The following IRAK1BP1 variants were observed in gnomAD, a reference collection of about 807,000 sequenced individuals.
IRAK1BP1 encodes the protein interleukin-1 receptor-associated kinase 1-binding protein 1.
Under a neutral mutation model 28.0 loss-of-function variants are expected in IRAK1BP1, and 24 were observed. The observed-to-expected ratio is 0.86, with a 90% CI of 0.62 to 1.20. The LOEUF is 1.20. Ranked by LOEUF, IRAK1BP1 falls within the 50% of genes most tolerant of loss-of-function variation. The pLI is 0.00. For synonymous variants in IRAK1BP1, 131 were observed against 116.3 expected (o/e 1.13, Z -0.81); for missense variants, 336 against 316.7 (o/e 1.06, Z -0.46).
chr6:78,953,373 C>T, the IRAK1BP1 span, among the ~76,000 whole-genome samples: 1 of 152,146 alleles, frequency 6.6e-6, no homozygotes, highest in African/African-American at 2.4e-5. Flanking sequence ...AAAACATTGT[C>T]TTATTTCTAT....
chr6:78,888,215 C>CTTA (rs1771498818), intron 2 of IRAK1BP1, among the ~76,000 whole-genome samples: 1 of 152,106 alleles, frequency 6.6e-6, no homozygotes, highest in Non-Finnish European at 1.5e-5. Flanking sequence ...AATGGGATTT[C>CTTA]TTACTCAATG....
At position 78,867,860 on chromosome 6, in the gene IRAK1BP1, T is replaced by A. The variant is rs1233867118; in HGVS notation, c.284T>A (p.Ile95Asn). ...AGCGTTTGTCGCCGTCTAGATTACA[T>A]CACGCAGAGCCTCCAGCAGCAGGGC... ...KKSVCRRLDY[I>N]TQSLQQQGVQ... The change falls in exon 1 of 4, where the codon ATC (isoleucine) becomes AAC (asparagine). Residue 95 changes from isoleucine to asparagine, a missense_variant. Physicochemically the swap from Ile to Asn is moderately radical, Grantham distance 149. Transcript: ENST00000369940. 6.2e-7 allele frequency: 1 copy of A among 1,605,326 alleles called. No individual in the cohort carries two copies. The highest frequency in any genetic ancestry group is 1.3e-5 in the African/African-American group (1 of 74,706).
At chr6:78,911,962 A>G (rs1479473565) in intron 4 of IRAK1BP1, among the ~76,000 whole-genome samples, 1 of 152,172 alleles carries the variant, frequency 6.6e-6, no homozygotes, top group Non-Finnish European at 1.5e-5. Context: ...CTAAGTGTGA[A>G]ATATATGGAA....
At chr6:78,921,668 A>G (rs916526777) in intron 4 of IRAK1BP1, among the ~76,000 whole-genome samples, 7 of 152,208 alleles carry the variant, frequency 4.6e-5, no homozygotes, top group Non-Finnish European at 1.0e-4. Context: ...ACTGGGAGGC[A>G]TCCCCCAGTA....
chr6:78,888,712 GC>G (rs1387602927), intron 2 of IRAK1BP1, among the ~76,000 whole-genome samples: 12 of 151,900 alleles, frequency 7.9e-5, no homozygotes. Flanking sequence ...CACCATGTTG[GC>G]CAGGCTGGTC....
At chr6:78,977,728 A>T in the IRAK1BP1 span, among the ~76,000 whole-genome samples, 1 of 152,190 alleles carries the variant, frequency 6.6e-6, no homozygotes, top group Non-Finnish European at 1.5e-5. Flanking sequence ...GGATGTTAAG[A>T]TCTATCACTG....
intron 4 of IRAK1BP1, among the ~76,000 whole-genome samples, chr6:78,909,378 C>T (rs1772345384): frequency 6.6e-6 from 1 of 152,198 alleles, no homozygotes; most frequent in African/African-American, 2.4e-5. Flanking sequence ...TGGCCTGAAG[C>T]TTAGCACAGC....
At chr6:78,976,098 G>C in the IRAK1BP1 span, among the ~76,000 whole-genome samples, 18 of 150,836 alleles carry the variant, frequency 1.2e-4, no homozygotes, top group African/African-American at 4.4e-4. Context: ...CAAAGCTGGA[G>C]GCATCACACT....
At chr6:78,958,534 A>G in the IRAK1BP1 span, 1 of 1,575,404 alleles carries the variant, frequency 6.3e-7, no homozygotes, top group East Asian at 2.2e-5. Flanking sequence ...TAGGGCTTCC[A>G]GGCTCATTAA....
At chr6:78,912,032 A>ATG (rs1173298341) in intron 4 of IRAK1BP1, among the ~76,000 whole-genome samples, 1 of 152,164 alleles carries the variant, frequency 6.6e-6, no homozygotes, top group Non-Finnish European at 1.5e-5. Context: ...GCCATACAGG[A>ATG]ATCATACTTG....
chr6:78,929,590 T>A (rs572692112), intron 4 of IRAK1BP1, among the ~76,000 whole-genome samples: 1 of 152,318 alleles, frequency 6.6e-6, no homozygotes, highest in East Asian at 1.9e-4. Context: ...GGTACTATGC[T>A]TGGTACCTGG....
the IRAK1BP1 span, among the ~76,000 whole-genome samples, chr6:78,964,725 T>TC: frequency 1.3e-5 from 2 of 152,134 alleles, no homozygotes; most frequent in Non-Finnish European, 2.9e-5. Context: ...ACACCTGACC[T>TC]CGTGATCCAC....
chr6:78,867,570 C>T lies in IRAK1BP1; in HGVS notation c.-7C>T, dbSNP rs1424554434. On this transcript the variant is annotated 5_prime_UTR_variant, in exon 1 of 4. Coordinates refer to ENST00000369940, the MANE Select transcript of IRAK1BP1 (RefSeq NM_001010844.4). ...GTAGTTACTATGGAAACCCAGCTGC[C>T]ATCGCTATGTCTCTGCAAAAGACCC... 1 of 1,610,886 alleles carries T rather than the reference C, an allele frequency of 6.2e-7. No homozygotes were observed.
At chr6:78,937,302 A>G (rs1307670153) in intron 4 of IRAK1BP1, 5 of 151,778 alleles carry the variant, frequency 3.3e-5, no homozygotes, top group Admixed American at 3.3e-4. Flanking sequence ...ATTGAAGTAA[A>G]CATTGTTAAC....
intron 2 of IRAK1BP1, among the ~76,000 whole-genome samples, chr6:78,894,080 ATAACT>A (rs1389401909): frequency 6.6e-6 from 1 of 152,228 alleles, no homozygotes; most frequent in Non-Finnish European, 1.5e-5. Context: ...GTAGATTGTA[ATAACT>A]TAAATATGTA....
intron 2 of IRAK1BP1, among the ~76,000 whole-genome samples, chr6:78,893,338 ATATATATATATC>A (rs1562085866): frequency 8.6e-6 from 1 of 116,544 alleles, no homozygotes; most frequent in African/African-American, 3.0e-5. Flanking sequence ...ATATATATAT[ATATATATATATC>A]AACGAAGAGT....
intron 4 of IRAK1BP1, among the ~76,000 whole-genome samples, chr6:78,925,888 A>T (rs573108731): frequency 6.6e-6 from 1 of 152,280 alleles, no homozygotes; most frequent in East Asian, 1.9e-4. Context: ...TGTCCTTTGC[A>T]GCAACGTGGA....
chr6:78,886,121 G>T (rs1189274070), intron 2 of IRAK1BP1, among the ~76,000 whole-genome samples: 5 of 152,042 alleles, frequency 3.3e-5, no homozygotes, highest in African/African-American at 9.7e-5. Context: ...TTGAAATCTT[G>T]TATATCAAAT....
At chr6:78,946,264 TAAATA>T in exon 5 of IRAK1BP1, 2 of 1,609,602 alleles carry the variant, frequency 1.2e-6, no homozygotes, top group Middle Eastern at 1.7e-4. Flanking sequence ...TTCAGGGCTG[TAAATA>T]AAATAGTATT....
Sources: gnomAD v4.1 joint callset for allele counts (sites outside exome capture counted in the v4.1 genomes callset) on GRCh38, gnomAD v4.1.1 for gene constraint, MANE v1.5 for transcripts, NCBI Gene and HGNC (gene_info 2026-07-23, HGNC 2026-07-21) for gene names.